Variants in KANSL1 observed in about 807,000 individuals in gnomAD.
The protein encoded by KANSL1 is KAT8 regulatory NSL complex subunit 1.
Under a neutral mutation model 103.6 loss-of-function variants are expected in KANSL1, and 22 were observed. That is an observed-to-expected ratio of 0.21 (90% confidence interval 0.15 to 0.30). KANSL1 has a LOEUF of 0.30. Among genes scored for constraint, KANSL1 ranks in the 10% least tolerant of loss-of-function variants. KANSL1 has a pLI of 1.00. For missense variants in KANSL1, 1,337 were observed against 1,399.8 expected (o/e 0.96, Z 0.72); for synonymous variants, 600 against 527.6 (o/e 1.14, Z -1.88).
At chr17:46,209,424 T>A (rs929836858) in intron 1 of KANSL1, among the ~76,000 whole-genome samples, 2 of 152,256 alleles carry the variant, frequency 1.3e-5, no homozygotes, top group Non-Finnish European at 2.9e-5. Flanking sequence ...TCATTAAATA[T>A]ACTAAATTCC....
intron 2 of KANSL1, among the ~76,000 whole-genome samples, chr17:46,133,623 C>T (rs538704840): frequency 8.5e-5 from 13 of 152,268 alleles, no homozygotes; most frequent in African/African-American, 2.4e-4. Flanking sequence ...AGTAAAGTGC[C>T]TCCAGATTTA....
At chr17:46,094,500 AG>A in intron 3 of KANSL1, 59 bp downstream of exon 3, 1 of 1,570,908 alleles carries the variant, frequency 6.4e-7, no homozygotes, top group Non-Finnish European at 8.7e-7. Flanking sequence ...AGGGGATGTG[AG>A]AAAAGCGATA....
At chr17:46,095,653 G>T (rs1315984396) in intron 2 of KANSL1, among the ~76,000 whole-genome samples, 1 of 152,080 alleles carries the variant, frequency 6.6e-6, no homozygotes, top group Non-Finnish European at 1.5e-5. Flanking sequence ...AATATCTTCG[G>T]GACTTAGAGC....
At chr17:46,206,487 A>T (rs1240149042) in intron 1 of KANSL1, among the ~76,000 whole-genome samples, 1 of 152,232 alleles carries the variant, frequency 6.6e-6, no homozygotes, top group Admixed American at 6.5e-5. Flanking sequence ...GCATTTGGGG[A>T]GGCTGAGACA....
In KANSL1 at chr17:46,185,692, T is replaced by TATACACAC. The variant is rs754864409; in HGVS notation, c.-90+7130_-90+7131insGTGTGTAT. The stretch of plus-strand genomic sequence containing the variant: ...ACACATATATATACACACACATATA[T>TATACACAC]ACACACACACACACACACACACACA... On this transcript the variant is annotated intron_variant, in intron 1 of 14. Coordinates refer to ENST00000432791, the MANE Select transcript of KANSL1 (RefSeq NM_015443.4). Among the ~76,000 whole-genome samples, 323 of 144,402 alleles carry TATACACAC rather than the reference T, an allele frequency of 2.2e-3. 3 individuals are homozygous for TATACACAC. The highest frequency in any genetic ancestry group is 8.0e-3 in the African/African-American group (296 of 37,040). 94.7% of individuals were successfully genotyped at this position (144,402 alleles called of 152,430 possible).
intron 2 of KANSL1, among the ~76,000 whole-genome samples, chr17:46,114,652 A>C (rs891695654): frequency 6.6e-6 from 1 of 152,372 alleles, no homozygotes; most frequent in Non-Finnish European, 1.5e-5. Flanking sequence ...ATTTAAAGAC[A>C]TATACACTCT....
rs187457317 is a variant in KANSL1, at chr17:46,202,235, T to C, written c.-90+21436A>G. On this transcript the variant is annotated intron_variant, in intron 1 of 14. Coordinates refer to the KANSL1 transcript ENST00000572904. ...TCAGGCTATGTGCATAATGTGTACA[T>C]GAAACATAGAATTTCATGTTTAGAT... Among the ~76,000 whole-genome samples, 136 of 152,344 alleles carry C rather than the reference T, an allele frequency of 8.9e-4. 3 individuals are homozygous for C. In the East Asian group the frequency reaches 0.022, roughly 24 times the overall value.
At chr17:46,118,646 G>T (rs1472274645) in intron 2 of KANSL1, among the ~76,000 whole-genome samples, 2 of 152,198 alleles carry the variant, frequency 1.3e-5, no homozygotes, top group Non-Finnish European at 2.9e-5. Flanking sequence ...ACATTTTGAT[G>T]AACTTTCCTT....
intron 2 of KANSL1, among the ~76,000 whole-genome samples, chr17:46,115,900 T>G (rs942138493): frequency 6.6e-6 from 1 of 152,234 alleles, no homozygotes; most frequent in African/African-American, 2.4e-5. Context: ...GGACAGTAAG[T>G]TATCACCACA....
chr17:46,044,494 G>C (rs574210422), intron 7 of KANSL1: 7 of 152,284 alleles, frequency 4.6e-5, no homozygotes, highest in Admixed American at 2.0e-4. Flanking sequence ...GGTTTGGCAA[G>C]CTCTCTCAAA....
intron 2 of KANSL1, among the ~76,000 whole-genome samples, chr17:46,144,252 C>T (rs1046512156): frequency 8.5e-5 from 13 of 152,224 alleles, no homozygotes; most frequent in East Asian, 1.9e-4. Context: ...GACTTCCTAT[C>T]GTGTGCCAAA....
intron 3 of KANSL1, among the ~76,000 whole-genome samples, chr17:46,084,122 T>C (rs1202149826): frequency 1.8e-5 from 2 of 113,104 alleles, no homozygotes; most frequent in Non-Finnish European, 4.8e-5. Flanking sequence ...CTCACACCTG[T>C]AATCCCAGCA....
intron 1 of KANSL1, among the ~76,000 whole-genome samples, chr17:46,187,795 A>G (rs900229373): frequency 1.8e-4 from 28 of 152,232 alleles, no homozygotes; most frequent in African/African-American, 5.8e-4. Context: ...CTCTTTGCAT[A>G]AAGGTTTAAA....
chr17:46,109,228 G>A (rs559920790), intron 2 of KANSL1, among the ~76,000 whole-genome samples: 22 of 152,278 alleles, frequency 1.4e-4, no homozygotes, highest in African/African-American at 5.1e-4. Flanking sequence ...GATTACAGGT[G>A]TGAGCCACTG....
At chr17:46,146,462 A>T (rs182530935) in intron 2 of KANSL1, among the ~76,000 whole-genome samples, 4,300 of 152,076 alleles carry the variant, frequency 0.028, 217 homozygotes, top group African/African-American at 0.099. Context: ...GAAAAAAAAA[A>T]TTTTTTTTGG....
intron 1 of KANSL1, among the ~76,000 whole-genome samples, chr17:46,189,608 C>T (rs1286518336): frequency 2.6e-5 from 4 of 152,182 alleles, no homozygotes; most frequent in African/African-American, 9.7e-5. Context: ...CTAGGCTAAG[C>T]GTAGTGGTTC....
At chr17:46,156,383 GA>G (rs1350092368) in intron 2 of KANSL1, among the ~76,000 whole-genome samples, 3 of 152,112 alleles carry the variant, frequency 2.0e-5, no homozygotes, top group Admixed American at 1.3e-4. Context: ...AGATCATCCA[GA>G]AAGTCAGTAT....
chr17:46,185,690 TATACACACAC>T (rs1357489833), intron 1 of KANSL1, among the ~76,000 whole-genome samples: 3 of 65,982 alleles, frequency 4.5e-5, no homozygotes, highest in African/African-American at 9.1e-5. Flanking sequence ...CACACACATA[TATACACACAC>T]ACACACACAC....
intron 2 of KANSL1, among the ~76,000 whole-genome samples, chr17:46,103,603 G>A (rs1020340799): frequency 3.3e-5 from 5 of 152,146 alleles, no homozygotes; most frequent in African/African-American, 1.2e-4. Flanking sequence ...CTCGTAACAC[G>A]CTCCTCCTCA....
Sources: allele counts gnomAD v4.1 joint callset (sites outside exome capture counted in the v4.1 genomes callset), GRCh38; gene constraint gnomAD v4.1.1; transcripts MANE v1.5; gene names NCBI Gene and HGNC (gene_info 2026-07-23, HGNC 2026-07-21).